Variants in HPS4 observed in about 807,000 individuals in gnomAD.
HPS4 encodes the protein BLOC-3 complex member HPS4.
A neutral mutation model predicts 70.3 loss-of-function variants in HPS4; 44 were observed. The ratio of observed to expected loss-of-function variants is 0.63; its 90% CI spans 0.49 to 0.80. HPS4 has a LOEUF of 0.80. HPS4 is among the 30% of genes least tolerant of loss of function. The pLI, the probability that HPS4 is intolerant of heterozygous loss-of-function variation, is 0.00. For synonymous variants in HPS4, 377 were observed against 355.9 expected, an observed-to-expected ratio of 1.06 and a Z score of -0.67; for missense variants, 873 against 884.4, an observed-to-expected ratio of 0.99 and a Z score of 0.16.
intron 13 of HPS4, among the ~76,000 whole-genome samples, chr22:26,454,476 TTAAG>T (rs1477646359): frequency 7.2e-5 from 11 of 152,328 alleles, no homozygotes; most frequent in East Asian, 1.9e-4. Flanking sequence ...AAGAATGAGA[TTAAG>T]TGAGTGCTTA....
chr22:26,447,402 G>A (rs2146164421), downstream of HPS4, among the ~76,000 whole-genome samples: 1 of 152,294 alleles, frequency 6.6e-6, no homozygotes, highest in Admixed American at 6.5e-5. Flanking sequence ...GAGCCAATAA[G>A]TGCGCCTTTT....
intron 2 of HPS4, 118 bp from the exon 3 acceptor site, chr22:26,479,473 G>C: frequency 6.7e-6 from 10 of 1,503,544 alleles, no homozygotes; most frequent in Non-Finnish European, 8.0e-6. Flanking sequence ...AAAGCCTTCA[G>C]GTGGCCCCAG....
intron 2 of HPS4, among the ~76,000 whole-genome samples, chr22:26,479,857 C>T (rs546784173): frequency 5.9e-5 from 9 of 152,260 alleles, no homozygotes; most frequent in African/African-American, 1.9e-4. Flanking sequence ...TGAGCAAACA[C>T]GCAGTTTCAA....
At position 26,473,058 on chromosome 22, in the gene HPS4, T is replaced by A. The variant is rs142933488; in HGVS notation, c.277-119A>T. On this transcript the variant is annotated intron_variant, in intron 4 of 13. Coordinates refer to ENST00000398145, the MANE Select transcript of HPS4 (RefSeq NM_022081.6). ...CACTGGCCCATCGAAATTGATCTTC[T>A]ATTGTCCCTGAGTCCACACCCTTCA... 1.9e-4 allele frequency: 155 copies of A among 827,006 alleles called. No homozygotes were observed. In the African/African-American group the frequency reaches 2.3e-3, roughly 12 times the overall value. 51.2% of individuals were successfully genotyped at this position (827,006 alleles called of 1,614,324 possible).
downstream of HPS4, among the ~76,000 whole-genome samples, chr22:26,449,019 G>A (rs569773349): frequency 2.0e-5 from 3 of 151,978 alleles, no homozygotes; most frequent in East Asian, 1.9e-4. Context: ...AGAGGAGTGT[G>A]TGTGTCGGGA....
chr22:26,462,606 T>C (rs1357779833), intron 11 of HPS4, among the ~76,000 whole-genome samples: 2 of 152,218 alleles, frequency 1.3e-5, no homozygotes, highest in African/African-American at 4.8e-5. Flanking sequence ...TTTTTCCTTT[T>C]TGTGGGGGAA....
At chr22:26,469,848 G>C (rs1384473747) in intron 7 of HPS4, among the ~76,000 whole-genome samples, 1 of 152,208 alleles carries the variant, frequency 6.6e-6, no homozygotes, top group Non-Finnish European at 1.5e-5. Flanking sequence ...GGGCAAGGAA[G>C]AAGAGTGCAA....
At position 26,458,556 on chromosome 22, in the gene HPS4, G is replaced by A. The variant is rs1045376952; in HGVS notation, c.1735C>T (p.Leu579=). The change falls in exon 12 of 14, where the codon CTG becomes TTG. Residue 579 remains leucine (L), a synonymous_variant. Transcript: ENST00000398145. ...EEVYHSSLAS[L]NGLEVHLKET... is the part of the protein sequence containing the mutation. Reference sequence around the variant, plus strand: ...TTCAGGTGGACTTCCAGCCCATTCAGTGAAGCCAGGCTGCTGTGGTACTGC... The same window carrying A: ...TTCAGGTGGACTTCCAGCCCATTCAATGAAGCCAGGCTGCTGTGGTACTGC... 1.2e-6 allele frequency: 2 copies of A among 1,614,154 alleles called. No individual in the cohort carries two copies. The highest frequency in any genetic ancestry group is 1.7e-5 in the Admixed American group (1 of 60,024).
rs1569005682 is a variant in HPS4 at position 26,453,194 on chromosome 22, T to TG, written c.*38dup. The TG allele has an allele frequency of 1.9e-6, 3 of 1,603,324 alleles. No individual in the cohort carries two copies. The Admixed American group carries it at 5.0e-5, about 27-fold the overall frequency. ...CAATTATAAAAGGCAGAGCTTCCTT[T>TG]GCTGGTTTTCTCCTTCCCAGTCACC... On this transcript the variant is annotated 3_prime_UTR_variant, in exon 14 of 14. Transcript: ENST00000398145.
rs1324089450 is a variant in HPS4 at position 26,453,135 on chromosome 22, T to A, written c.*98A>T. 1.7e-5 allele frequency: 21 copies of A among 1,245,724 alleles called. No individual in the cohort carries two copies. Among genetic ancestry groups the A allele is most frequent in the Non-Finnish European group, 2.3e-5 (20 of 871,328 alleles). 77.2% of individuals were successfully genotyped at this position (1,245,724 alleles called of 1,614,324 possible). ...ATCATTTGGTTCCTAAAAAAGGGAA[T>A]GTTTTCAAGAAAAATAAAATAGAGG... On this transcript the variant is annotated 3_prime_UTR_variant, in exon 14 of 14. Transcript: ENST00000398145.
chr22:26,457,950 C>T lies in HPS4; in HGVS notation c.1864G>A (p.Ala622Thr). Residue 622 changes from alanine to threonine, a missense_variant, in exon 13 of 14, where the codon GCC (alanine) becomes ACC (threonine). Physicochemically the swap from Ala to Thr is moderately conservative, Grantham distance 58 (BLOSUM62 0). Transcript: ENST00000398145. ...SLLMANLPQV[A>T]TPQDRRFLQA... ...AGGAAGCGGCGATCCTGCGGGGTGG[C>T]CACCTGCGGCAGGTTTGCTTCCAGA... 1.2e-6 allele frequency: 2 copies of T among 1,613,490 alleles called. No individual in the cohort carries two copies. The highest frequency in any genetic ancestry group is 1.1e-5 in the South Asian group (1 of 91,070).
intron 11 of HPS4, among the ~76,000 whole-genome samples, chr22:26,460,886 A>G (rs2146444862): frequency 6.6e-6 from 1 of 152,352 alleles, no homozygotes; most frequent in East Asian, 1.9e-4. Flanking sequence ...CATGTCCATA[A>G]ATAATTACTG....
In HPS4 at chr22:26,458,343, T is replaced by C. The variant is rs1481450627; in HGVS notation, c.1846+102A>G. On this transcript the variant is annotated intron_variant, in intron 12 of 13. Transcript: ENST00000398145. ...GCCCTGAACGCAGGTCAGACAACTC[T>C]GTGCACAGCCGTGTCATCATGATGC... 3.4e-6 allele frequency: 5 copies of C among 1,456,450 alleles called. No individual in the cohort carries two copies. The African/African-American group carries it at 6.9e-5, about 20-fold the overall frequency. 90.2% of individuals were successfully genotyped at this position (1,456,450 alleles called of 1,614,324 possible).
intron 12 of HPS4, 95 bp downstream of exon 12, chr22:26,458,350 A>G (rs553585107): frequency 1.3e-6 from 2 of 1,486,914 alleles, no homozygotes; most frequent in Non-Finnish European, 9.4e-7. Context: ...CTCTGTGCAC[A>G]GCCGTGTCAT....
At position 26,481,945 on chromosome 22, in the gene HPS4, C is replaced by A; in HGVS notation, c.-183G>T. ...CACTCAGCATGGAAAGTTCCACTTC[C>A]CTTCCTTGCAGGTTCTTCAGTTTCA... On this transcript the variant is annotated 5_prime_UTR_variant, in exon 2 of 14. Coordinates refer to ENST00000398145, the MANE Select transcript of HPS4 (RefSeq NM_022081.6). 4.6e-6 allele frequency: 3 copies of A among 650,520 alleles called. No individual in the cohort carries two copies. In the South Asian group the frequency reaches 5.1e-5, roughly 11 times the overall value. 40.3% of individuals were successfully genotyped at this position (650,520 alleles called of 1,614,324 possible).
At chr22:26,475,594 CGACT>C (rs2090437464) in intron 4 of HPS4, 1 of 152,010 alleles carries the variant, frequency 6.6e-6, no homozygotes, top group South Asian at 2.1e-4. Context: ...TCAGGTGATC[CGACT>C]GTCTTGGCCT....
downstream of HPS4, chr22:26,443,978 G>C (rs895122450): frequency 1.3e-5 from 2 of 152,224 alleles, no homozygotes; most frequent in African/African-American, 4.8e-5. Flanking sequence ...GATCAGCCAC[G>C]GAACGTGTGA....
At position 26,477,089 on chromosome 22, in the gene HPS4, A is replaced by G. The variant is rs1324330193; in HGVS notation, c.180T>C (p.Val60=). The G allele has an allele frequency of 2.5e-6, 4 of 1,614,192 alleles. No homozygotes were observed. The South Asian group carries it at 4.4e-5, about 18-fold the overall frequency. The part of the protein sequence containing the change: ...QELLCGQIAG[V]VRCVSDISDS... ...CAGAAATGTCAGAAACACAGCGGAC[A>G]ACTCCAGCAATCTGTCCACAAAGCA... is the stretch of plus-strand genomic sequence containing the variant. Residue 60 remains valine, a synonymous_variant, in exon 4 of 14, where the codon GTT becomes GTC. Transcript: ENST00000398145.
chr22:26,466,659 C>A, intron 8 of HPS4: 1 of 294,500 alleles, frequency 3.4e-6, no homozygotes, highest in Non-Finnish European at 6.5e-6. Context: ...ACATAAATTC[C>A]ATTATAATAA....
Sources: gnomAD v4.1 joint callset for allele counts (sites outside exome capture counted in the v4.1 genomes callset) on GRCh38, gnomAD v4.1.1 for gene constraint, MANE v1.5 for transcripts, NCBI Gene and HGNC (gene_info 2026-07-23, HGNC 2026-07-21) for gene names.